The following CALN1 variants were observed in gnomAD, a reference collection of about 807,000 sequenced individuals.
The protein encoded by CALN1 is calneuron 1.
In CALN1, 17 loss-of-function variants were observed where a neutral mutation model predicts 30.6. The observed-to-expected ratio is 0.56, with a 90% CI of 0.38 to 0.83. The LOEUF is 0.83. Ranked by LOEUF, CALN1 falls within the 40% of genes least tolerant of loss-of-function variation. CALN1 has a pLI of 0.00. For missense variants in CALN1, 291 were observed against 354.9 expected (o/e 0.82, Z 1.45); for synonymous variants, 156 against 131.4 (o/e 1.19, Z -1.28).
At chr7:72,290,079 TAAAAAAAAAAAAAAAAAAAAAAAAAAAAA>T (rs60416266) in intron 2 of CALN1, among the ~76,000 whole-genome samples, 12 of 32,086 alleles carry the variant, frequency 3.7e-4, no homozygotes, top group Admixed American at 3.0e-3. Context: ...GACCCTGTCT[TAAAAAAAAAAAAAAAAAAAAAAAAAAAAA>T]AAAAAAAAAA....
At chr7:72,475,707 G>C in the CALN1 span, among the ~76,000 whole-genome samples, 2 of 152,150 alleles carry the variant, frequency 1.3e-5, no homozygotes, top group Non-Finnish European at 2.9e-5. Flanking sequence ...AGACAAGCTT[G>C]GCTCCAAAGA....
chr7:72,027,726 AACACACACACACACAC>A (rs111705413), intron 4 of CALN1, among the ~76,000 whole-genome samples: 12 of 143,220 alleles, frequency 8.4e-5, no homozygotes, highest in Middle Eastern at 3.5e-3. Context: ...CAAACAAACA[AACACACACACACACAC>A]ACACACACAC....
At chr7:72,339,391 G>A (rs1802278954) in intron 2 of CALN1, among the ~76,000 whole-genome samples, 1 of 152,066 alleles carries the variant, frequency 6.6e-6, no homozygotes, top group Non-Finnish European at 1.5e-5. Context: ...GATGTAACAG[G>A]TACCACTCTT....
chr7:72,379,459 A>C (rs1804763414), intron 2 of CALN1, among the ~76,000 whole-genome samples: 1 of 152,260 alleles, frequency 6.6e-6, no homozygotes, highest in African/African-American at 2.4e-5. Context: ...ATCTCAATTA[A>C]TACAACAGAT....
At chr7:72,263,650 A>C (rs1796421967) in intron 3 of CALN1, among the ~76,000 whole-genome samples, 1 of 152,096 alleles carries the variant, frequency 6.6e-6, no homozygotes, top group African/African-American at 2.4e-5. Flanking sequence ...CCCTGGCCTC[A>C]AGCAATCCTC....
intron 3 of CALN1, among the ~76,000 whole-genome samples, chr7:72,231,852 G>A (rs1426318660): frequency 2.6e-5 from 4 of 152,300 alleles, no homozygotes; most frequent in Admixed American, 6.5e-5. Context: ...CTAAGGAAAA[G>A]AGTGATCAAC....
intron 3 of CALN1, among the ~76,000 whole-genome samples, chr7:72,192,657 T>G (rs1175786359): frequency 2.7e-5 from 2 of 74,722 alleles, no homozygotes; most frequent in African/African-American, 1.2e-4. Flanking sequence ...TTATTATTAT[T>G]ATTATTATTA....
intron 3 of CALN1, among the ~76,000 whole-genome samples, chr7:72,146,954 T>G (rs151178823): frequency 0.064 from 9,741 of 152,220 alleles, 788 homozygotes; most frequent in East Asian, 0.26. Flanking sequence ...TTACACCTTA[T>G]ACAAAAATTA....
At chr7:72,454,700 C>A in the CALN1 span, among the ~76,000 whole-genome samples, 1 of 152,196 alleles carries the variant, frequency 6.6e-6, no homozygotes, top group South Asian at 2.1e-4. Context: ...TCCTACCCCT[C>A]TCCACTCTTC....
At chr7:72,310,076 T>C (rs779236914) in intron 2 of CALN1, among the ~76,000 whole-genome samples, 1 of 152,046 alleles carries the variant, frequency 6.6e-6, no homozygotes, top group Non-Finnish European at 1.5e-5. Flanking sequence ...CTGACTGTTA[T>C]AACGTCCTGA....
At chr7:72,238,379 T>C (rs1419446443) in intron 3 of CALN1, among the ~76,000 whole-genome samples, 1 of 152,208 alleles carries the variant, frequency 6.6e-6, no homozygotes, top group South Asian at 2.1e-4. Context: ...AATGAATTTA[T>C]TTCCTAGAAA....
chr7:72,125,672 T>C (rs1808700908), intron 3 of CALN1, among the ~76,000 whole-genome samples: 2 of 152,086 alleles, frequency 1.3e-5, no homozygotes, highest in African/African-American at 2.4e-5. Flanking sequence ...AGTTCTTTAG[T>C]GGTGATTTCT....
chr7:72,326,863 T>TGACTGAGTCTCCCC lies in CALN1; in HGVS notation c.120-48067_120-48054dup, dbSNP rs1356159023. ...CAGTGCACATGTCACTCAGTCTCTC[T>TGACTGAGTCTCCCC]GACTGAGTCTCCCCATCTGTCAAAT... On this transcript the variant is annotated intron_variant, in intron 2 of 6. Coordinates refer to ENST00000395275, the MANE Select transcript of CALN1 (RefSeq NM_031468.4). Among the ~76,000 whole-genome samples the TGACTGAGTCTCCCC allele has an allele frequency of 2.0e-5, 3 of 152,212 alleles. No individual in the cohort carries two copies. In the East Asian group the frequency reaches 5.8e-4, roughly 29 times the overall value.
intron 5 of CALN1, among the ~76,000 whole-genome samples, chr7:71,910,965 A>G (rs983539262): frequency 3.9e-5 from 6 of 152,206 alleles, no homozygotes; most frequent in African/African-American, 1.4e-4. Context: ...AGGTGCTCTG[A>G]GATATACACA....
At chr7:72,487,861 A>AT in the CALN1 span, among the ~76,000 whole-genome samples, 30 of 72,658 alleles carry the variant, frequency 4.1e-4, no homozygotes, top group Non-Finnish European at 6.2e-4. Context: ...AAAGAGAAAG[A>AT]AAGAAAGAAA....
the CALN1 span, among the ~76,000 whole-genome samples, chr7:72,484,431 G>A: frequency 1.3e-5 from 2 of 152,098 alleles, no homozygotes; most frequent in African/African-American, 2.4e-5. Context: ...TGAATTGTGA[G>A]GTTTTCTATT....
At position 72,394,101 on chromosome 7, in the gene CALN1, T is replaced by C. The variant is rs80167439; in HGVS notation, c.119+9150A>G. Among the ~76,000 whole-genome samples, 989 of 152,298 alleles carry C rather than the reference T, an allele frequency of 6.5e-3. 12 individuals are homozygous for C. The highest frequency in any genetic ancestry group is 0.021 in the African/African-American group (890 of 41,558). On this transcript the variant is annotated intron_variant, in intron 2 of 6. Coordinates refer to ENST00000395275, the MANE Select transcript of CALN1 (RefSeq NM_031468.4). ...CTTAGCTAAGATCATTGGTAATATG[T>C]ATGGTGGAGTGCAGAATTTACACTT...
rs181198711 is a variant in CALN1, at chr7:71,802,281, G to T, written c.658+8055C>A. Reference sequence around the variant, plus strand: ...GCCAGCAACTGGAACCAAATAATAAGATATACATTCGTCTCAGTGTCATTG... The same window carrying T: ...GCCAGCAACTGGAACCAAATAATAATATATACATTCGTCTCAGTGTCATTG... On this transcript the variant is annotated intron_variant, in intron 6 of 6. Transcript: ENST00000395275. Among the ~76,000 whole-genome samples the T allele has an allele frequency of 3.3e-5, 5 of 152,252 alleles. No individual in the cohort carries two copies. In the East Asian group the frequency reaches 9.6e-4, roughly 29 times the overall value.
the CALN1 span, among the ~76,000 whole-genome samples, chr7:72,455,203 G>A: frequency 6.6e-6 from 1 of 151,938 alleles, no homozygotes; most frequent in Non-Finnish European, 1.5e-5. Context: ...TCTGGAGGCG[G>A]AGGCAGGAAG....
Sources: gnomAD v4.1 joint callset for allele counts (sites outside exome capture counted in the v4.1 genomes callset) on GRCh38, gnomAD v4.1.1 for gene constraint, MANE v1.5 for transcripts, NCBI Gene and HGNC (gene_info 2026-07-23, HGNC 2026-07-21) for gene names.